Variants in PCDHA13 observed in about 807,000 individuals in gnomAD.
PCDHA13 encodes protocadherin alpha 13.
PCDHA13 carries 54 observed loss-of-function variants against 64.8 expected under a neutral mutation model. That is an observed-to-expected ratio of 0.83 (90% CI 0.67 to 1.04). The LOEUF (loss-of-function observed/expected upper bound fraction) is 1.04, where lower values mean the gene tolerates loss of function less well. Among genes scored for constraint, PCDHA13 ranks in the 50% least tolerant of loss-of-function variants. The pLI is 0.00. For missense variants in PCDHA13, 1,248 were observed against 1,254.3 expected, an observed-to-expected ratio of 0.99 and a Z score of 0.08; for synonymous variants, 587 against 564.4, an observed-to-expected ratio of 1.04 and a Z score of -0.57.
At chr5:140,990,537 A>G (rs2097398813) in intron 3 of PCDHA13, among the ~76,000 whole-genome samples, 1 of 152,192 alleles carries the variant, frequency 6.6e-6, no homozygotes, top group Non-Finnish European at 1.5e-5. Flanking sequence ...TGTGCATCAT[A>G]GATACTGTAT....
chr5:140,993,528 A>G (rs78672098), intron 3 of PCDHA13, among the ~76,000 whole-genome samples: 1 of 151,976 alleles, frequency 6.6e-6, no homozygotes, highest in Admixed American at 6.6e-5. Context: ...AGAGACAGAG[A>G]GAGAGAGAGA....
intron 3 of PCDHA13, among the ~76,000 whole-genome samples, chr5:141,007,395 C>CAAAAAAAAAAAAAAAA (rs35800918): frequency 3.2e-5 from 3 of 94,864 alleles, no homozygotes; most frequent in Non-Finnish European, 4.1e-5. Flanking sequence ...TACTAAAATA[C>CAAAAAAAAAAAAAAAA]AAAAAAAAAA....
At chr5:140,919,176 C>A (rs2079027921) in intron 1 of PCDHA13, among the ~76,000 whole-genome samples, 2 of 152,184 alleles carry the variant, frequency 1.3e-5, no homozygotes, top group Non-Finnish European at 1.5e-5. Flanking sequence ...GTTGCTATAT[C>A]TTCCTGATTG....
chr5:140,884,515 G>GCCTCTGATAAGCACAA lies in PCDHA13; in HGVS notation c.2247_2248insCCTCTGATAAGCACAA (p.Tyr750ProfsTer22). 1 of 1,614,174 alleles carries GCCTCTGATAAGCACAA rather than the reference G, an allele frequency of 6.2e-7. No individual in the cohort carries two copies. ...GCTCCAGCGCGGCAGGGAGTTGGTC[G>GCCTCTGATAAGCACAA]TACTCGCAGCAGAGGCGGCCGAGGG... On this transcript the variant is annotated frameshift_variant, in exon 1 of 4. Coordinates refer to ENST00000289272, the MANE Select transcript of PCDHA13 (RefSeq NM_018904.3). LOFTEE classifies it high-confidence loss of function.
intron 1 of PCDHA13, among the ~76,000 whole-genome samples, chr5:140,899,982 A>T (rs185115696): frequency 3.3e-4 from 49 of 150,716 alleles, no homozygotes; most frequent in African/African-American, 1.1e-3. Flanking sequence ...TACTTTTTTG[A>T]TTTTTTTTGT....
At chr5:140,927,556 A>G (rs1428283255) in intron 1 of PCDHA13, 15 of 1,614,022 alleles carry the variant, frequency 9.3e-6, no homozygotes, top group African/African-American at 1.3e-5. Flanking sequence ...AGTCACCATC[A>G]TTGTGGTGGA....
At chr5:140,928,506 A>G (rs1554205940) in intron 1 of PCDHA13, 4 of 1,614,090 alleles carry the variant, frequency 2.5e-6, no homozygotes, top group African/African-American at 1.3e-5. Context: ...GAAGTGCAAC[A>G]GTGACTATAA....
At chr5:140,927,598 T>G (rs2084398863) in intron 1 of PCDHA13, 1 of 1,614,046 alleles carries the variant, frequency 6.2e-7, no homozygotes, top group African/African-American at 1.3e-5. Flanking sequence ...ATTTGAGCGC[T>G]CCGTATACCG....
At chr5:141,008,961 A>G (rs2098395078) in intron 3 of PCDHA13, among the ~76,000 whole-genome samples, 1 of 152,214 alleles carries the variant, frequency 6.6e-6, no homozygotes, top group Non-Finnish European at 1.5e-5. Context: ...ACATCCTAAT[A>G]CATTTATAGC....
chr5:140,890,220 C>A (rs955015481), intron 1 of PCDHA13, among the ~76,000 whole-genome samples: 18 of 152,044 alleles, frequency 1.2e-4, no homozygotes, highest in Non-Finnish European at 2.6e-4. Flanking sequence ...TCCCAGAGAC[C>A]TAGTTGTTAA....
At chr5:140,907,857 G>C (rs1554193158) in intron 1 of PCDHA13, among the ~76,000 whole-genome samples, 1 of 152,210 alleles carries the variant, frequency 6.6e-6, no homozygotes, top group Non-Finnish European at 1.5e-5. Flanking sequence ...CTCTGCTGAG[G>C]CCAGCCGTTG....
At chr5:140,884,820 T>A (rs1318105542) in intron 1 of PCDHA13, 158 bp downstream of exon 1, 2 of 1,013,184 alleles carry the variant, frequency 2.0e-6, no homozygotes, top group Non-Finnish European at 2.8e-6. Context: ...GTGGACATTA[T>A]GTGTTGGATT....
chr5:140,918,175 CT>C (rs1429626043), intron 1 of PCDHA13, among the ~76,000 whole-genome samples: 2 of 152,076 alleles, frequency 1.3e-5, no homozygotes, highest in Non-Finnish European at 2.9e-5. Context: ...GCATTGTGTT[CT>C]TGATTTGGCC....
At chr5:140,971,370 G>C (rs2096473492) in intron 1 of PCDHA13, among the ~76,000 whole-genome samples, 3 of 152,194 alleles carry the variant, frequency 2.0e-5, no homozygotes, top group African/African-American at 7.2e-5. Flanking sequence ...CCAGGAGAGT[G>C]CATGACTTTA....
rs541261946 is a variant in PCDHA13, at chr5:140,926,749, G to T, written c.2394+42087G>T. ...GGCGTTCGGGAGGCGCAACGTCGGC[G>T]GTCGCTGAGTATCCAGCCCGCAGCA... On this transcript the variant is annotated intron_variant, in intron 1 of 3. Coordinates refer to ENST00000289272, the MANE Select transcript of PCDHA13 (RefSeq NM_018904.3). 7.3e-6 allele frequency: 9 copies of T among 1,237,260 alleles called. No homozygotes were observed. In the East Asian group the frequency reaches 2.0e-4, roughly 28 times the overall value. The allele number at this position is 1,237,260 out of a possible 1,614,324, so 76.6% of individuals were successfully genotyped here.
At chr5:141,006,894 A>G (rs781832084) in intron 3 of PCDHA13, among the ~76,000 whole-genome samples, 6 of 152,212 alleles carry the variant, frequency 3.9e-5, no homozygotes, top group African/African-American at 7.2e-5. Context: ...TTGATTTCAG[A>G]TTTCTTCAGT....
intron 1 of PCDHA13, among the ~76,000 whole-genome samples, chr5:140,913,111 T>C (rs2076211610): frequency 6.6e-6 from 1 of 152,194 alleles, no homozygotes; most frequent in Non-Finnish European, 1.5e-5. Context: ...TAGAATCAGT[T>C]TGGAAGTTAA....
rs868963567 is a variant in PCDHA13, at chr5:140,883,217, G to A, written c.949G>A (p.Glu317Lys). ...AGATTTCGAAGAAAAGAAATTATAT[G>A]AAATATCCGTGGAGGCAGTTGACAA... The part of the protein sequence containing the change: ...KLDFEEKKLY[E>K]ISVEAVDKGN... Residue 317 changes from glutamate to lysine, a missense_variant, in exon 1 of 4, where the codon GAA becomes AAA. By Grantham distance (56) the Glu-to-Lys change is moderately conservative. Transcript: ENST00000289272. 6.2e-7 allele frequency: 1 copy of A among 1,613,990 alleles called. No individual in the cohort carries two copies. Among genetic ancestry groups the A allele is most frequent in the Non-Finnish European group, 8.5e-7 (1 of 1,180,006 alleles).
chr5:140,945,041 C>T (rs2093729370), intron 1 of PCDHA13, among the ~76,000 whole-genome samples: 1 of 151,978 alleles, frequency 6.6e-6, no homozygotes, highest in African/African-American at 2.4e-5. Flanking sequence ...TATCTTTGGT[C>T]TTATATAAAG....
Sources: gnomAD v4.1 joint callset for allele counts (sites outside exome capture counted in the v4.1 genomes callset) on GRCh38, gnomAD v4.1.1 for gene constraint, MANE v1.5 for transcripts, NCBI Gene and HGNC (gene_info 2026-07-23, HGNC 2026-07-21) for gene names.